C1QTNF7: variants seen among roughly 807,000 people sequenced by gnomAD.
C1QTNF7 encodes C1q and TNF related 7, also known as complement C1q tumor necrosis factor-related protein 7.
In C1QTNF7, 15 loss-of-function variants were observed where a neutral mutation model predicts 19.6. The observed-to-expected ratio is 0.76, with a 90% CI of 0.51 to 1.18. C1QTNF7 has a LOEUF of 1.18. Among genes scored for constraint, C1QTNF7 ranks in the 50% most tolerant of loss-of-function variants. C1QTNF7 has a pLI of 0.00. For synonymous variants in C1QTNF7, 142 were observed against 137.5 expected (o/e 1.03, Z -0.23); for missense variants, 324 against 359.7 (o/e 0.90, Z 0.80).
intron 1 of C1QTNF7, among the ~76,000 whole-genome samples, chr4:15,344,353 C>T (rs1367182229): frequency 2.6e-5 from 4 of 152,334 alleles, no homozygotes; most frequent in Non-Finnish European, 5.9e-5. Context: ...GACTAAACTT[C>T]CAATTAGGAA....
At chr4:15,348,385 G>A (rs537550654) in intron 1 of C1QTNF7, among the ~76,000 whole-genome samples, 2 of 152,244 alleles carry the variant, frequency 1.3e-5, no homozygotes, top group African/African-American at 2.4e-5. Flanking sequence ...TGGGATGTTC[G>A]GTTTGGAATG....
In C1QTNF7 at chr4:15,442,150, T is replaced by C. The variant is rs745924186; in HGVS notation, c.239-18T>C. 6.3e-7 allele frequency: 1 copy of C among 1,577,368 alleles called. No homozygotes were observed. Among genetic ancestry groups the C allele is most frequent in the Non-Finnish European group, 8.6e-7 (1 of 1,167,460 alleles). ...TCTTTTGAGGAACTATTAATCAAAC[T>C]ATATACTCTTTCTGAAGGTTTGAGA... On this transcript the variant is annotated intron_variant, in intron 2 of 2. Coordinates refer to ENST00000444304, the MANE Select transcript of C1QTNF7 (RefSeq NM_031911.5).
At chr4:15,427,443 A>G (rs1263757775), upstream of C1QTNF7, among the ~76,000 whole-genome samples, 1 of 152,208 alleles carries the variant, frequency 6.6e-6, no homozygotes, top group African/African-American at 2.4e-5. Context: ...AGGCACAAAG[A>G]CATATTAGTT....
intron 1 of C1QTNF7, among the ~76,000 whole-genome samples, chr4:15,390,755 A>G (rs1039109709): frequency 2.6e-5 from 4 of 152,248 alleles, no homozygotes; most frequent in African/African-American, 9.6e-5. Flanking sequence ...AACACTCAGG[A>G]AAGGAATTAT....
chr4:15,399,345 T>C (rs951003643), intron 1 of C1QTNF7, among the ~76,000 whole-genome samples: 1 of 152,180 alleles, frequency 6.6e-6, no homozygotes, highest in Admixed American at 6.5e-5. Flanking sequence ...GTTCTGCCAA[T>C]GCCTGATGAG....
chr4:15,439,840 G>A (rs1184045499), intron 2 of C1QTNF7, among the ~76,000 whole-genome samples: 1 of 151,804 alleles, frequency 6.6e-6, no homozygotes. Context: ...TTAAATCATT[G>A]CTGTTATATA....
intron 1 of C1QTNF7, among the ~76,000 whole-genome samples, chr4:15,389,094 G>C (rs923831342): frequency 2.0e-5 from 3 of 152,206 alleles, no homozygotes; most frequent in African/African-American, 7.2e-5. Flanking sequence ...CAGAGGGATG[G>C]TGAGGATACA....
intron 1 of C1QTNF7, among the ~76,000 whole-genome samples, chr4:15,343,378 C>T (rs1195398703): frequency 1.3e-5 from 2 of 152,054 alleles, no homozygotes; most frequent in Admixed American, 6.5e-5. Context: ...CACAAATTCT[C>T]TTCTGTATTT....
At chr4:15,401,139 C>T (rs997447151) in intron 1 of C1QTNF7, among the ~76,000 whole-genome samples, 2 of 152,030 alleles carry the variant, frequency 1.3e-5, no homozygotes, top group Admixed American at 6.6e-5. Context: ...CCATGTTGCA[C>T]AATAGCGAGG....
intron 1 of C1QTNF7, among the ~76,000 whole-genome samples, chr4:15,412,714 G>C (rs1317269629): frequency 2.6e-5 from 4 of 152,164 alleles, no homozygotes; most frequent in Non-Finnish European, 5.9e-5. Context: ...CTATTGCGCA[G>C]CTCACCACAC....
chr4:15,347,330 G>A (rs754746373), intron 1 of C1QTNF7, among the ~76,000 whole-genome samples: 2 of 152,140 alleles, frequency 1.3e-5, no homozygotes, highest in Non-Finnish European at 2.9e-5. Context: ...CCTTCTTAAT[G>A]TCTCGCATTC....
At chr4:15,372,917 C>T (rs1717784676) in intron 1 of C1QTNF7, among the ~76,000 whole-genome samples, 1 of 117,660 alleles carries the variant, frequency 8.5e-6, no homozygotes, top group African/African-American at 3.9e-5. Context: ...ATGAAATACA[C>T]TCCTAAAAGG....
At chr4:15,427,106 CA>C (rs552197813), upstream of C1QTNF7, among the ~76,000 whole-genome samples, 130 of 152,188 alleles carry the variant, frequency 8.5e-4, no homozygotes, top group African/African-American at 2.7e-3. Context: ...ATCCCAAAGG[CA>C]AAATTAAGCT....
intron 1 of C1QTNF7, among the ~76,000 whole-genome samples, chr4:15,346,891 C>T (rs1387238170): frequency 5.3e-5 from 8 of 152,314 alleles, no homozygotes; most frequent in South Asian, 2.1e-4. Context: ...AATACCAACA[C>T]GCAGTGAACT....
At chr4:15,356,362 T>C (rs888792772) in intron 1 of C1QTNF7, among the ~76,000 whole-genome samples, 1 of 149,200 alleles carries the variant, frequency 6.7e-6, no homozygotes, top group Admixed American at 6.6e-5. Flanking sequence ...TGGTTTTCTG[T>C]TCCTGTGTTA....
chr4:15,363,631 C>CAGG (rs1717417184), intron 1 of C1QTNF7, among the ~76,000 whole-genome samples: 1 of 152,160 alleles, frequency 6.6e-6, no homozygotes, highest in Non-Finnish European at 1.5e-5. Context: ...CAAAGGCTCC[C>CAGG]AGGAAGGTGG....
intron 1 of C1QTNF7, among the ~76,000 whole-genome samples, chr4:15,403,686 A>C (rs1220896554): frequency 6.6e-6 from 1 of 152,172 alleles, no homozygotes; most frequent in African/African-American, 2.4e-5. Flanking sequence ...TTAAGTTTGC[A>C]TTCACAGGTT....
At chr4:15,412,501 A>G (rs4698108) in intron 1 of C1QTNF7, among the ~76,000 whole-genome samples, 16,368 of 152,022 alleles carry the variant, frequency 0.11, 1,367 homozygotes, top group African/African-American at 0.2. Flanking sequence ...CCATCCACAC[A>G]TCACCTTCTC....
At chr4:15,366,553 G>A (rs1009161783) in intron 1 of C1QTNF7, among the ~76,000 whole-genome samples, 7 of 152,032 alleles carry the variant, frequency 4.6e-5, no homozygotes, top group African/African-American at 1.7e-4. Context: ...CTTTCACTGT[G>A]TCTTTCTCTC....
Sources: allele counts gnomAD v4.1 joint callset (sites outside exome capture counted in the v4.1 genomes callset), GRCh38; gene constraint gnomAD v4.1.1; transcripts MANE v1.5; gene names NCBI Gene and HGNC (gene_info 2026-07-23, HGNC 2026-07-21).